Variants in TAF2 observed in about 807,000 individuals in gnomAD.
The protein encoded by TAF2 is TATA-box binding protein associated factor 2.
In TAF2, 61 loss-of-function variants were observed where a neutral mutation model predicts 138.5. The observed-to-expected ratio is 0.44, with a 90% CI of 0.36 to 0.54. The LOEUF (loss-of-function observed/expected upper bound fraction) is 0.54. TAF2 is among the 20% of genes least tolerant of loss of function. The pLI is 0.00. For synonymous variants in TAF2, 475 were observed against 469.9 expected (o/e 1.01, Z -0.14); for missense variants, 1,090 against 1,427.9 (o/e 0.76, Z 3.81).
chr8:119,744,496 C>T, intron 23 of TAF2, 103 bp from the exon 24 acceptor site: 2 of 901,886 alleles, frequency 2.2e-6, no homozygotes, highest in Admixed American at 1.8e-5. Flanking sequence ...ATAGGATATA[C>T]CCCCATATAA....
At position 119,756,812 on chromosome 8, in the gene TAF2, A is replaced by G. The variant is rs191371860; in HGVS notation, c.2769-697T>C. Among the ~76,000 whole-genome samples the G allele has an allele frequency of 2.0e-5, 3 of 152,274 alleles. No individual in the cohort carries two copies. The East Asian group carries it at 5.8e-4, about 29-fold the overall frequency. The stretch of plus-strand genomic sequence containing the variant: ...AATACAGGGCAACGCAATGAAAACA[A>G]AATTTGGAAAAGAAAACATCCACTG... On this transcript the variant is annotated intron_variant, in intron 21 of 25. Transcript: ENST00000378164.
chr8:119,822,413 C>T (rs1160782386), intron 2 of TAF2, among the ~76,000 whole-genome samples: 1 of 151,892 alleles, frequency 6.6e-6, no homozygotes, highest in Non-Finnish European at 1.5e-5. Context: ...TCTCTAGAGA[C>T]GGGTCTTATC....
intron 25 of TAF2, among the ~76,000 whole-genome samples, chr8:119,738,030 C>T (rs1046308224): frequency 4.0e-5 from 6 of 151,756 alleles, no homozygotes; most frequent in Non-Finnish European, 8.8e-5. Flanking sequence ...TAAGTTTTCA[C>T]TTATACTATA....
intron 21 of TAF2, among the ~76,000 whole-genome samples, chr8:119,756,776 G>C (rs185381215): frequency 3.8e-4 from 58 of 152,172 alleles, no homozygotes; most frequent in Non-Finnish European, 5.6e-4. Flanking sequence ...ACATATTATG[G>C]AGTTCTCTAA....
intron 25 of TAF2, among the ~76,000 whole-genome samples, chr8:119,739,070 G>A: frequency 7.1e-6 from 1 of 140,332 alleles, no homozygotes. Flanking sequence ...TCTGACTTAT[G>A]CAAGAAGGCA....
At chr8:119,774,679 T>C (rs1181429093) in intron 18 of TAF2, among the ~76,000 whole-genome samples, 1 of 152,068 alleles carries the variant, frequency 6.6e-6, no homozygotes, top group Non-Finnish European at 1.5e-5. Flanking sequence ...AAAATCCCAA[T>C]CTTGGATTTC....
At chr8:119,806,254 GT>G (rs751143129) in intron 4 of TAF2, 28 bp downstream of exon 4, 1 of 1,555,666 alleles carries the variant, frequency 6.4e-7, no homozygotes, top group Non-Finnish European at 8.9e-7. Flanking sequence ...TGATTTTAGT[GT>G]ACAGTCAATA....
intron 14 of TAF2, among the ~76,000 whole-genome samples, chr8:119,786,683 G>A (rs1019850636): frequency 3.9e-5 from 6 of 152,008 alleles, no homozygotes; most frequent in Admixed American, 6.6e-5. Context: ...GCATTTTGGG[G>A]GGCCGAGGTG....
At chr8:119,781,246 T>C in intron 16 of TAF2, 53 bp from the exon 17 acceptor site, 1 of 1,604,892 alleles carries the variant, frequency 6.2e-7, no homozygotes, top group Non-Finnish European at 8.5e-7. Flanking sequence ...AAACATACTT[T>C]AAAATAAAAC....
rs958836903 is a variant in TAF2, at chr8:119,832,796, C to A, written c.-232G>T. The A allele has an allele frequency of 6.1e-6, 3 of 490,984 alleles. No individual in the cohort carries two copies. Among genetic ancestry groups the A allele is most frequent in the Admixed American group, 7.2e-5 (2 of 27,672 alleles). 30.4% of individuals were successfully genotyped at this position (490,984 alleles called of 1,614,324 possible). A position where few individuals can be genotyped will look rare whatever the true frequency, so the allele number is the denominator to read the frequency against. On this transcript the variant is annotated 5_prime_UTR_variant, in exon 1 of 26. Coordinates refer to ENST00000378164, the MANE Select transcript of TAF2 (RefSeq NM_003184.4). ...TCTGTCACAGAGATGCTCCTCTCCG[C>A]AAGGGCTCGAAGCTACCATCCGCCG... is the stretch of plus-strand genomic sequence containing the variant.
chr8:119,788,950 C>T, intron 12 of TAF2, 46 bp from the exon 13 acceptor site: 2 of 1,227,822 alleles, frequency 1.6e-6, no homozygotes, highest in Non-Finnish European at 2.4e-6. Context: ...CGAATATGTA[C>T]TAAACAAAGT....
intron 21 of TAF2, 60 bp from the exon 22 acceptor site, chr8:119,756,175 G>A: frequency 8.4e-7 from 1 of 1,185,272 alleles, no homozygotes; most frequent in African/African-American, 1.5e-5. Flanking sequence ...GCTATGAGTA[G>A]GAGACAACAT....
intron 1 of TAF2, 43 bp from the exon 2 acceptor site, chr8:119,831,774 T>A (rs1563937204): frequency 7.8e-7 from 1 of 1,287,872 alleles, no homozygotes; most frequent in Non-Finnish European, 1.1e-6. Flanking sequence ...AAAAATAATT[T>A]TTATTATTAA....
In TAF2 at chr8:119,731,901, G is replaced by A. The variant is rs1818898946; in HGVS notation, c.*23C>T. ...TACATACATTCTTCTGGACATGAAA[G>A]GAAAGGTCTTTTTGTCCCCTTCTCA... is the stretch of plus-strand genomic sequence containing the variant. On this transcript the variant is annotated 3_prime_UTR_variant, in exon 26 of 26. Transcript: ENST00000378164. 2 of 1,607,282 alleles carry A rather than the reference G, an allele frequency of 1.2e-6. No homozygotes were observed. The highest frequency in any genetic ancestry group is 1.3e-5 in the African/African-American group (1 of 74,770).
At position 119,801,971 on chromosome 8, in the gene TAF2, T is replaced by C; in HGVS notation, c.615A>G (p.Glu205=). 5.0e-6 allele frequency: 8 copies of C among 1,614,170 alleles called. No individual in the cohort carries two copies. The highest frequency in any genetic ancestry group is 6.8e-6 in the Non-Finnish European group (8 of 1,180,020). Reference sequence around the variant, plus strand: ...CAACCATTGCAGCATCTACTGTAAATTCTAATTTCCATGTACACAATTCAG... The same window carrying C: ...CAACCATTGCAGCATCTACTGTAAACTCTAATTTCCATGTACACAATTCAG... ...SYSELCTWKL[E]FTVDAAMVAV... is the part of the protein sequence containing the mutation. The change falls in exon 6 of 26, where the codon GAA becomes GAG. Residue 205 remains glutamate (E), a synonymous_variant. Coordinates refer to ENST00000378164, the MANE Select transcript of TAF2 (RefSeq NM_003184.4).
chr8:119,823,707 G>A (rs1055956830), intron 2 of TAF2, among the ~76,000 whole-genome samples: 2 of 152,188 alleles, frequency 1.3e-5, no homozygotes, highest in Admixed American at 1.3e-4. Flanking sequence ...ACCTGAAAAT[G>A]TGGAAGCGAC....
intron 3 of TAF2, among the ~76,000 whole-genome samples, chr8:119,818,714 A>T (rs988912975): frequency 4.0e-5 from 6 of 149,536 alleles, no homozygotes; most frequent in Non-Finnish European, 7.4e-5. Flanking sequence ...AACCACAAAG[A>T]TGACAAAAAA....
chr8:119,770,882 G>A (rs1821784469), intron 18 of TAF2, among the ~76,000 whole-genome samples: 3 of 152,128 alleles, frequency 2.0e-5, no homozygotes, highest in Admixed American at 2.0e-4. Context: ...ACTAGCCTGG[G>A]CAACATGGTG....
At position 119,832,730 on chromosome 8, in the gene TAF2, C is replaced by T; in HGVS notation, c.-166G>A. ...GACGGGTCGCTGCCCGCCTCAACCT[C>T]GCTCCTTCGACTAGCTCCTAGAAGC... On this transcript the variant is annotated 5_prime_UTR_variant, in exon 1 of 26. Coordinates refer to ENST00000378164, the MANE Select transcript of TAF2 (RefSeq NM_003184.4). The T allele has an allele frequency of 1.8e-6, 1 of 566,930 alleles. No homozygotes were observed. The highest frequency in any genetic ancestry group is 3.0e-6 in the Non-Finnish European group (1 of 328,168). The allele number at this position is 566,930 out of a possible 1,614,324, so 35.1% of individuals were successfully genotyped here.
Sources: allele counts gnomAD v4.1 joint callset (sites outside exome capture counted in the v4.1 genomes callset), GRCh38; gene constraint gnomAD v4.1.1; transcripts MANE v1.5; gene names NCBI Gene and HGNC (gene_info 2026-07-23, HGNC 2026-07-21).